The following NRG3 variants were observed in gnomAD, a reference collection of about 807,000 sequenced individuals.
NRG3 encodes pro-neuregulin-3, membrane-bound isoform.
In NRG3, 31 loss-of-function variants were observed where a neutral mutation model predicts 66.9. That is an observed-to-expected ratio of 0.46 (90% confidence interval 0.35 to 0.63). The LOEUF is 0.63. Ranked by LOEUF, NRG3 falls within the 20% of genes least tolerant of loss-of-function variation. NRG3 has a pLI of 0.00. For missense variants in NRG3, 910 were observed against 878.9 expected (o/e 1.04, Z -0.45); for synonymous variants, 393 against 359.4 (o/e 1.09, Z -1.06).
intron 3 of NRG3, among the ~76,000 whole-genome samples, chr10:82,850,171 G>C (rs1481000912): frequency 1.3e-5 from 2 of 152,128 alleles, no homozygotes; most frequent in Non-Finnish European, 2.9e-5. Flanking sequence ...GATGCTTCAA[G>C]GAGTTTCCAC....
At chr10:82,373,422 G>A (rs2085016408) in intron 2 of NRG3, among the ~76,000 whole-genome samples, 1 of 152,190 alleles carries the variant, frequency 6.6e-6, no homozygotes, top group African/African-American at 2.4e-5. Flanking sequence ...AATGCCAAGA[G>A]GCCAGTGTGC....
At chr10:82,428,734 A>G (rs772522503) in intron 2 of NRG3, among the ~76,000 whole-genome samples, 1 of 151,874 alleles carries the variant, frequency 6.6e-6, no homozygotes, top group Non-Finnish European at 1.5e-5. Flanking sequence ...GATAGTTTCT[A>G]GTTTTGTTCA....
At chr10:82,076,893 C>T (rs186549003) in intron 1 of NRG3, among the ~76,000 whole-genome samples, 2 of 152,298 alleles carry the variant, frequency 1.3e-5, no homozygotes, top group African/African-American at 4.8e-5. Flanking sequence ...AACCAGTATA[C>T]CTGCATTGAG....
At chr10:82,649,137 G>A in intron 2 of NRG3, among the ~76,000 whole-genome samples, 1 of 152,130 alleles carries the variant, frequency 6.6e-6, no homozygotes, top group Non-Finnish European at 1.5e-5. Flanking sequence ...AATTAGGCAG[G>A]TGAAGGAAAT....
At chr10:82,343,157 CAT>C (rs2082772339) in intron 1 of NRG3, among the ~76,000 whole-genome samples, 1 of 151,908 alleles carries the variant, frequency 6.6e-6, no homozygotes, top group Non-Finnish European at 1.5e-5. Context: ...AAAAAATAGA[CAT>C]ATAGATAAAT....
At chr10:81,982,870 TA>T (rs1255757543) in intron 1 of NRG3, among the ~76,000 whole-genome samples, 2 of 152,226 alleles carry the variant, frequency 1.3e-5, no homozygotes, top group African/African-American at 4.8e-5. Flanking sequence ...GACAGTTTCG[TA>T]ACTTAACAAT....
chr10:82,116,093 A>G (rs943510036), intron 1 of NRG3, among the ~76,000 whole-genome samples: 13 of 152,156 alleles, frequency 8.5e-5, no homozygotes, highest in African/African-American at 3.1e-4. Context: ...TTTATAACCC[A>G]TCATATTTTA....
chr10:82,271,097 A>G (rs1180830755), intron 1 of NRG3, among the ~76,000 whole-genome samples: 1 of 152,068 alleles, frequency 6.6e-6, no homozygotes, highest in Non-Finnish European at 1.5e-5. Flanking sequence ...TATTGGTTGT[A>G]TTGGTGGCTA....
At chr10:82,314,541 G>C (rs568451852) in intron 1 of NRG3, among the ~76,000 whole-genome samples, 1 of 152,244 alleles carries the variant, frequency 6.6e-6, no homozygotes, top group South Asian at 2.1e-4. Flanking sequence ...AGGCACAGTG[G>C]CTCACGTCTG....
chr10:82,844,583 C>T (rs947084567), intron 3 of NRG3, among the ~76,000 whole-genome samples: 25 of 151,514 alleles, frequency 1.7e-4, no homozygotes, highest in African/African-American at 4.9e-4. Context: ...AACAATCTCT[C>T]GGGATGCAAG....
chr10:82,826,978 G>A (rs1012521253), intron 3 of NRG3, among the ~76,000 whole-genome samples: 5 of 151,546 alleles, frequency 3.3e-5, no homozygotes, highest in East Asian at 1.9e-4. Context: ...AGTTTGTTCC[G>A]TCAAAATACT....
chr10:82,555,993 C>G (rs1308123196), intron 2 of NRG3, among the ~76,000 whole-genome samples: 1 of 152,168 alleles, frequency 6.6e-6, no homozygotes, highest in Admixed American at 6.6e-5. Context: ...GGATTTCTCT[C>G]AGACCACTGT....
At chr10:82,669,179 C>G (rs974604590) in intron 2 of NRG3, among the ~76,000 whole-genome samples, 3 of 151,370 alleles carry the variant, frequency 2.0e-5, no homozygotes, top group Non-Finnish European at 2.9e-5. Context: ...TATGAAGGAG[C>G]AGTTAGGGAG....
At chr10:82,865,500 T>G in intron 4 of NRG3, 63 bp downstream of exon 4, 1 of 1,471,158 alleles carries the variant, frequency 6.8e-7, no homozygotes, top group Non-Finnish European at 9.4e-7. Context: ...ATGTACATAG[T>G]GCTTTCCTTC....
At chr10:82,704,308 G>A (rs950830121) in intron 2 of NRG3, among the ~76,000 whole-genome samples, 3 of 152,020 alleles carry the variant, frequency 2.0e-5, no homozygotes, top group African/African-American at 7.2e-5. Context: ...GTTCAGAAAG[G>A]CAGTGCAAGG....
chr10:82,523,278 G>A (rs1211108820), intron 2 of NRG3, among the ~76,000 whole-genome samples: 1 of 151,924 alleles, frequency 6.6e-6, no homozygotes, highest in Non-Finnish European at 1.5e-5. Flanking sequence ...ATATATCTAG[G>A]AGTAGAATTA....
At chr10:82,548,523 TCACACACACACACA>T (rs59459683) in intron 2 of NRG3, among the ~76,000 whole-genome samples, 19 of 139,460 alleles carry the variant, frequency 1.4e-4, no homozygotes, top group Admixed American at 4.3e-4. Flanking sequence ...ATTCTGTCTC[TCACACACACACACA>T]CACACACACA....
chr10:82,895,446 T>C (rs1465985148), intron 4 of NRG3, among the ~76,000 whole-genome samples: 1 of 151,232 alleles, frequency 6.6e-6, no homozygotes, highest in Non-Finnish European at 1.5e-5. Context: ...TTTAAGATTA[T>C]CTGAGAAAAA....
At chr10:82,005,771 T>C (rs2061355654) in intron 1 of NRG3, among the ~76,000 whole-genome samples, 1 of 152,184 alleles carries the variant, frequency 6.6e-6, no homozygotes, top group Admixed American at 6.5e-5. Context: ...TAGCATGTTG[T>C]GCTGATTCAC....
Sources: gnomAD v4.1 joint callset for allele counts (sites outside exome capture counted in the v4.1 genomes callset) on GRCh38, gnomAD v4.1.1 for gene constraint, MANE v1.5 for transcripts, NCBI Gene and HGNC (gene_info 2026-07-23, HGNC 2026-07-21) for gene names.